CARMIL1: variants seen among roughly 807,000 people sequenced by gnomAD.
CARMIL1 encodes the protein capping protein regulator and myosin 1 linker 1.
In CARMIL1, 90 loss-of-function variants were observed where a neutral mutation model predicts 177.1. The ratio of observed to expected loss-of-function variants is 0.51; its 90% CI spans 0.43 to 0.61. CARMIL1 has a LOEUF of 0.61. Among genes scored for constraint, CARMIL1 ranks in the 20% least tolerant of loss-of-function variants. The pLI is 0.00. For synonymous variants in CARMIL1, 577 were observed against 606.2 expected, an observed-to-expected ratio of 0.95 and a Z score of 0.71; for missense variants, 1,380 against 1,667.0, an observed-to-expected ratio of 0.83 and a Z score of 3.00.
intron 31 of CARMIL1, among the ~76,000 whole-genome samples, chr6:25,588,118 G>A (rs1173394737): frequency 6.6e-6 from 1 of 152,146 alleles, no homozygotes; most frequent in Non-Finnish European, 1.5e-5. Flanking sequence ...GCACACAGGA[G>A]GATGTTTGTA....
At chr6:25,510,381 C>A in intron 18 of CARMIL1, 126 bp from the exon 19 acceptor site, 1 of 582,746 alleles carries the variant, frequency 1.7e-6, no homozygotes, top group Non-Finnish European at 3.0e-6. Context: ...AGATTAGAAT[C>A]CCAGGCCCCT....
chr6:25,510,157 C>T (rs1003101129), intron 18 of CARMIL1, among the ~76,000 whole-genome samples: 4 of 152,174 alleles, frequency 2.6e-5, no homozygotes, highest in African/African-American at 4.8e-5. Context: ...AACTTTAACT[C>T]CACTTACCTC....
intron 4 of CARMIL1, among the ~76,000 whole-genome samples, chr6:25,429,860 T>G (rs1004656989): frequency 6.7e-6 from 1 of 148,894 alleles, no homozygotes; most frequent in Non-Finnish European, 1.5e-5. Context: ...TATATATATA[T>G]TTTTGAGACG....
intron 17 of CARMIL1, among the ~76,000 whole-genome samples, chr6:25,504,266 G>A (rs1363339091): frequency 1.3e-5 from 2 of 152,102 alleles, no homozygotes; most frequent in East Asian, 3.9e-4. Flanking sequence ...TCTTAAAGTA[G>A]GAAGTAAAAG....
intron 29 of CARMIL1, among the ~76,000 whole-genome samples, chr6:25,574,408 C>T (rs1282717494): frequency 6.6e-6 from 1 of 152,210 alleles, no homozygotes; most frequent in African/African-American, 2.4e-5. Flanking sequence ...GCAAGAGCTT[C>T]TCTCTCTTAT....
chr6:25,486,539 T>G (rs1582116902), intron 12 of CARMIL1, among the ~76,000 whole-genome samples: 1 of 152,348 alleles, frequency 6.6e-6, no homozygotes, highest in South Asian at 2.1e-4. Flanking sequence ...GTTTTGGACT[T>G]AGTTATTCCA....
intron 23 of CARMIL1, among the ~76,000 whole-genome samples, chr6:25,522,431 A>C (rs1806667059): frequency 6.6e-6 from 1 of 152,164 alleles, no homozygotes. Flanking sequence ...AAAAATGCAA[A>C]TTATTAAGCC....
chr6:25,436,216 G>A (rs973819404), intron 5 of CARMIL1, among the ~76,000 whole-genome samples: 2 of 152,170 alleles, frequency 1.3e-5, no homozygotes, highest in East Asian at 3.9e-4. Context: ...GGGTTGTTGG[G>A]ATGGAGGAAT....
rs531794042 is a variant in CARMIL1, at chr6:25,315,528, T to A, written c.138+30619T>A. Reference sequence around the variant, plus strand: ...AGGGCACTGGCTCTCCACAGCCTCCTCCATACCGCTGCCTGCTTTTTTTCT... The same window carrying A: ...AGGGCACTGGCTCTCCACAGCCTCCACCATACCGCTGCCTGCTTTTTTTCT... On this transcript the variant is annotated intron_variant, in intron 2 of 36. Coordinates refer to ENST00000329474, the MANE Select transcript of CARMIL1 (RefSeq NM_017640.6). 2.0e-5 allele frequency among the ~76,000 whole-genome samples: 3 copies of A among 152,336 alleles called. No homozygotes were observed. In the South Asian group the frequency reaches 6.2e-4, roughly 32 times the overall value.
intron 2 of CARMIL1, among the ~76,000 whole-genome samples, chr6:25,344,799 A>G (rs780053253): frequency 8.5e-5 from 13 of 152,054 alleles, no homozygotes; most frequent in Middle Eastern, 3.2e-3. Context: ...ATGATGTTCT[A>G]TCTCCATCTA....
At chr6:25,318,032 T>C (rs1784409968) in intron 2 of CARMIL1, among the ~76,000 whole-genome samples, 1 of 152,222 alleles carries the variant, frequency 6.6e-6, no homozygotes, top group Non-Finnish European at 1.5e-5. Flanking sequence ...TTCTGTTTTA[T>C]GAACTTGACC....
intron 9 of CARMIL1, among the ~76,000 whole-genome samples, chr6:25,467,481 G>C (rs557570416): frequency 6.6e-4 from 101 of 152,266 alleles, no homozygotes; most frequent in Non-Finnish European, 1.2e-3. Flanking sequence ...GCCTCAAGAG[G>C]GTTTCAAGAA....
intron 17 of CARMIL1, among the ~76,000 whole-genome samples, chr6:25,506,964 G>T (rs1804973551): frequency 6.6e-6 from 1 of 152,132 alleles, no homozygotes; most frequent in Non-Finnish European, 1.5e-5. Context: ...AGTAAGATCA[G>T]AAACGTTCCA....
At chr6:25,618,720 C>T (rs146961167) in intron 36 of CARMIL1, among the ~76,000 whole-genome samples, 6 of 152,302 alleles carry the variant, frequency 3.9e-5, no homozygotes, top group East Asian at 3.9e-4. Flanking sequence ...ATTCTCCTAT[C>T]GCTGCTTTAT....
intron 2 of CARMIL1, among the ~76,000 whole-genome samples, chr6:25,392,969 G>T (rs915160319): frequency 4.6e-5 from 7 of 150,656 alleles, no homozygotes; most frequent in African/African-American, 1.7e-4. Flanking sequence ...AGTAATCTTT[G>T]TGTGCCTGTT....
chr6:25,423,794 A>G (rs1042246854), intron 3 of CARMIL1, among the ~76,000 whole-genome samples: 6 of 152,116 alleles, frequency 3.9e-5, no homozygotes, highest in Non-Finnish European at 7.4e-5. Flanking sequence ...CTAATAATTC[A>G]CTAATTTCTG....
At chr6:25,353,216 C>T (rs1788279339) in intron 2 of CARMIL1, among the ~76,000 whole-genome samples, 1 of 152,190 alleles carries the variant, frequency 6.6e-6, no homozygotes. Flanking sequence ...TAGAAGCTAA[C>T]AACTGATTGC....
chr6:25,471,500 A>G (rs1386944246), intron 10 of CARMIL1, among the ~76,000 whole-genome samples: 1 of 152,186 alleles, frequency 6.6e-6, no homozygotes, highest in African/African-American at 2.4e-5. Context: ...TTTTAAGAGC[A>G]TGGATCCTTG....
At chr6:25,359,750 C>T (rs547475633) in intron 2 of CARMIL1, among the ~76,000 whole-genome samples, 92 of 152,240 alleles carry the variant, frequency 6.0e-4, no homozygotes, top group Admixed American at 3.3e-3. Flanking sequence ...GAAGGCAAGT[C>T]AGAGGCATTT....
Sources: gnomAD v4.1 joint callset for allele counts (sites outside exome capture counted in the v4.1 genomes callset) on GRCh38, gnomAD v4.1.1 for gene constraint, MANE v1.5 for transcripts, NCBI Gene and HGNC (gene_info 2026-07-23, HGNC 2026-07-21) for gene names.